The following DNM3 variants were observed in gnomAD, a reference collection of about 807,000 sequenced individuals.
The protein encoded by DNM3 is dynamin-3.
DNM3 carries 47 observed loss-of-function variants against 101.6 expected under a neutral mutation model. That is an observed-to-expected ratio of 0.46 (90% CI 0.37 to 0.59). The LOEUF (loss-of-function observed/expected upper bound fraction) is 0.59. DNM3 is among the 20% of genes least tolerant of loss of function. The pLI is 0.00. For synonymous variants in DNM3, 385 were observed against 387.9 expected (o/e 0.99, Z 0.09); for missense variants, 849 against 1,085.7 (o/e 0.78, Z 3.06).
chr1:172,259,936 G>A (rs57860911), intron 15 of DNM3, among the ~76,000 whole-genome samples: 1,743 of 152,026 alleles, frequency 0.011, 39 homozygotes, highest in African/African-American at 0.039. Flanking sequence ...ATATTTGCAT[G>A]TGTTTTCATA....
intron 4 of DNM3, among the ~76,000 whole-genome samples, chr1:172,022,546 T>C (rs1486767772): frequency 5.3e-5 from 8 of 152,110 alleles, no homozygotes; most frequent in Non-Finnish European, 8.8e-5. Context: ...AATCAACTTT[T>C]ATTTTTATTA....
intron 1 of DNM3, among the ~76,000 whole-genome samples, chr1:171,907,795 G>A (rs1244498493): frequency 2.0e-5 from 3 of 152,106 alleles, no homozygotes; most frequent in African/African-American, 7.2e-5. Context: ...TGGGACTTAA[G>A]ATGCAAAAAT....
At chr1:172,183,767 ATTTTT>A (rs376245976) in intron 14 of DNM3, among the ~76,000 whole-genome samples, 65 of 62,652 alleles carry the variant, frequency 1.0e-3, no homozygotes, top group Non-Finnish European at 1.5e-3. Context: ...TGCCCAGCTA[ATTTTT>A]TTTTTTTTTT....
intron 15 of DNM3, among the ~76,000 whole-genome samples, chr1:172,293,300 T>C (rs2586401): frequency 0.28 from 42,751 of 152,138 alleles, 6,115 homozygotes; most frequent in African/African-American, 0.31. Context: ...GAAATGTTAA[T>C]GAAAGTTACA....
chr1:171,960,377 C>T (rs2043140161), intron 2 of DNM3, among the ~76,000 whole-genome samples: 1 of 152,166 alleles, frequency 6.6e-6, no homozygotes, highest in African/African-American at 2.4e-5. Context: ...TTTGTTATAG[C>T]AGCCCCAGGA....
At chr1:172,169,703 A>G (rs967564780) in intron 14 of DNM3, among the ~76,000 whole-genome samples, 10 of 151,932 alleles carry the variant, frequency 6.6e-5, no homozygotes, top group African/African-American at 2.4e-4. Flanking sequence ...CATGAACAAG[A>G]TTGACTTACT....
At chr1:172,315,379 C>A (rs1484817263) in intron 16 of DNM3, among the ~76,000 whole-genome samples, 2 of 152,240 alleles carry the variant, frequency 1.3e-5, no homozygotes, top group African/African-American at 4.8e-5. Context: ...CGGAACAAAG[C>A]TGGACATAGA....
chr1:172,322,188 G>A (rs946859443), intron 16 of DNM3, among the ~76,000 whole-genome samples: 2 of 152,252 alleles, frequency 1.3e-5, no homozygotes, highest in Non-Finnish European at 1.5e-5. Flanking sequence ...GAAAATATCT[G>A]TATATATTAT....
At chr1:171,902,024 T>TA (rs1422298967) in intron 1 of DNM3, among the ~76,000 whole-genome samples, 2 of 152,152 alleles carry the variant, frequency 1.3e-5, no homozygotes, top group Non-Finnish European at 2.9e-5. Context: ...ATAGCACATT[T>TA]AAAAAAATAA....
rs71561599 is a variant in DNM3 at position 171,942,201 on chromosome 1, A to ATTTTTTTTT, written c.235+20395_235+20403dup. 2.5e-4 allele frequency among the ~76,000 whole-genome samples: 26 copies of ATTTTTTTTT among 103,576 alleles called. 1 individual carries two copies. The highest frequency in any genetic ancestry group is 5.6e-4 in the African/African-American group (15 of 26,830). 67.9% of individuals were successfully genotyped at this position (103,576 alleles called of 152,430 possible). A position where few individuals can be genotyped will look rare whatever the true frequency, so the allele number is the denominator to read the frequency against. ...AATGTTTTTAAATGCTGCTCACTTG[A>ATTTTTTTTT]TTTTTTTTTTTTTTTTTTTTTTTAT... On this transcript the variant is annotated intron_variant, in intron 2 of 20. Transcript: ENST00000627582.
chr1:172,190,202 C>T (rs541485786), intron 14 of DNM3, among the ~76,000 whole-genome samples: 86 of 152,080 alleles, frequency 5.7e-4, no homozygotes, highest in African/African-American at 2.0e-3. Flanking sequence ...GTGATGTTCC[C>T]CACCCTGTGT....
chr1:172,105,311 C>G (rs544493989), intron 13 of DNM3, among the ~76,000 whole-genome samples: 1 of 152,240 alleles, frequency 6.6e-6, no homozygotes, highest in Admixed American at 6.5e-5. Flanking sequence ...AAACAGGGTC[C>G]AGTAGTTTTC....
In DNM3 at chr1:172,252,973, T is replaced by C. The variant is rs116430343; in HGVS notation, c.1660-600T>C. 4.7e-3 allele frequency among the ~76,000 whole-genome samples: 714 copies of C among 152,256 alleles called. 3 individuals carry two copies. Among genetic ancestry groups the C allele is most frequent in the African/African-American group, 0.016 (674 of 41,560 alleles). On this transcript the variant is annotated intron_variant, in intron 14 of 20. Transcript: ENST00000627582. ...GAATAATTCTTTTTCAGAATTCATA[T>C]TTTATTCTAGACCCAAATGAGCAAG... is the stretch of plus-strand genomic sequence containing the variant.
At chr1:171,878,607 A>G (rs1301032043) in intron 1 of DNM3, among the ~76,000 whole-genome samples, 1 of 152,094 alleles carries the variant, frequency 6.6e-6, no homozygotes, top group East Asian at 1.9e-4. Context: ...CTTTTTCTGC[A>G]TGGGCGTGAA....
At chr1:172,294,786 G>C (rs1448944193) in intron 15 of DNM3, among the ~76,000 whole-genome samples, 2 of 151,750 alleles carry the variant, frequency 1.3e-5, no homozygotes, top group African/African-American at 4.8e-5. Context: ...GGACTGCAAG[G>C]CTGTAGTCCC....
chr1:172,187,991 C>T (rs925130992), intron 14 of DNM3, among the ~76,000 whole-genome samples: 2 of 151,950 alleles, frequency 1.3e-5, no homozygotes, highest in African/African-American at 2.4e-5. Context: ...AAGGTAAAGA[C>T]AATTAATATA....
chr1:171,953,421 T>C (rs1357221918), intron 2 of DNM3, among the ~76,000 whole-genome samples: 3 of 128,914 alleles, frequency 2.3e-5, no homozygotes, highest in Non-Finnish European at 3.3e-5. Flanking sequence ...TGCGCAATTC[T>C]TTTTTTTTTT....
At chr1:172,381,897 G>T (rs1055747255) in intron 18 of DNM3, among the ~76,000 whole-genome samples, 2 of 152,062 alleles carry the variant, frequency 1.3e-5, no homozygotes, top group African/African-American at 4.8e-5. Context: ...TTTCTTCCTG[G>T]TCTATCAAAA....
intron 14 of DNM3, among the ~76,000 whole-genome samples, chr1:172,225,854 T>C (rs1047193581): frequency 6.6e-6 from 1 of 151,544 alleles, no homozygotes; most frequent in Non-Finnish European, 1.5e-5. Context: ...ATATATATGA[T>C]ATATATATGA....
Sources: gnomAD v4.1 joint callset for allele counts (sites outside exome capture counted in the v4.1 genomes callset) on GRCh38, gnomAD v4.1.1 for gene constraint, MANE v1.5 for transcripts, NCBI Gene and HGNC (gene_info 2026-07-23, HGNC 2026-07-21) for gene names.